The following BACH2 variants were observed in gnomAD, a reference collection of about 807,000 sequenced individuals.
BACH2 encodes BACH transcriptional regulator 2, also known as transcription regulator protein BACH2.
BACH2 carries 5 observed loss-of-function variants against 61.8 expected under a neutral mutation model. That is an observed-to-expected ratio of 0.08 (90% confidence interval 0.04 to 0.17). BACH2 has a LOEUF of 0.17. Ranked by LOEUF, BACH2 falls within the 10% of genes least tolerant of loss-of-function variation. The pLI is 1.00. For synonymous variants in BACH2, 446 were observed against 440.1 expected, an observed-to-expected ratio of 1.01 and a Z score of -0.17; for missense variants, 824 against 1,091.1, an observed-to-expected ratio of 0.76 and a Z score of 3.45.
intron 1 of BACH2, among the ~76,000 whole-genome samples, chr6:90,295,802 T>C (rs1772340803): frequency 6.6e-6 from 1 of 152,208 alleles, no homozygotes; most frequent in South Asian, 2.1e-4. Flanking sequence ...GATCTTTCGC[T>C]AGGAGAGATT....
intron 5 of BACH2, among the ~76,000 whole-genome samples, chr6:90,063,416 G>A (rs1780787475): frequency 6.6e-6 from 1 of 151,944 alleles, no homozygotes; most frequent in African/African-American, 2.4e-5. Flanking sequence ...ATGTTCTTGG[G>A]GTAAACATGA....
chr6:90,147,965 G>A (rs1784680624), intron 4 of BACH2, among the ~76,000 whole-genome samples: 1 of 152,090 alleles, frequency 6.6e-6, no homozygotes, highest in African/African-American at 2.4e-5. Flanking sequence ...AGAGGAAATA[G>A]AAAATCTTGT....
chr6:89,945,224 ACAG>A (rs1338879864), intron 7 of BACH2, among the ~76,000 whole-genome samples: 1 of 152,248 alleles, frequency 6.6e-6, no homozygotes, highest in African/African-American at 2.4e-5. Context: ...TCAAATGCTC[ACAG>A]CAGCATTATT....
chr6:90,273,353 G>A (rs915313984), intron 1 of BACH2, among the ~76,000 whole-genome samples: 1 of 152,058 alleles, frequency 6.6e-6, no homozygotes, highest in African/African-American at 2.4e-5. Flanking sequence ...GCAAGACTCT[G>A]TTTCTAAAAA....
At chr6:89,979,934 T>C (rs550541386) in intron 6 of BACH2, among the ~76,000 whole-genome samples, 1 of 152,318 alleles carries the variant, frequency 6.6e-6, no homozygotes, top group South Asian at 2.1e-4. Flanking sequence ...AATGGAAATG[T>C]TTCAAGTAGT....
chr6:90,054,279 T>C (rs1780205906), intron 5 of BACH2, among the ~76,000 whole-genome samples: 1 of 152,192 alleles, frequency 6.6e-6, no homozygotes, highest in Admixed American at 6.5e-5. Context: ...AATACTGCGC[T>C]TTTCAAATGG....
chr6:89,984,982 G>A (rs1405013144), intron 6 of BACH2, among the ~76,000 whole-genome samples: 1 of 152,092 alleles, frequency 6.6e-6, no homozygotes, highest in Non-Finnish European at 1.5e-5. Context: ...GGAAACACTG[G>A]GAACCCAAAC....
chr6:90,240,087 T>C (rs1381673251), intron 3 of BACH2, among the ~76,000 whole-genome samples: 2 of 152,144 alleles, frequency 1.3e-5, no homozygotes, highest in Non-Finnish European at 2.9e-5. Context: ...GAATTAAGCA[T>C]TAAAAAAATT....
intron 4 of BACH2, among the ~76,000 whole-genome samples, chr6:90,154,182 T>C (rs1017780554): frequency 2.0e-5 from 3 of 151,912 alleles, no homozygotes; most frequent in Non-Finnish European, 4.4e-5. Flanking sequence ...ATTTGCAGAG[T>C]AGAATTGCAG....
intron 6 of BACH2, among the ~76,000 whole-genome samples, chr6:89,977,974 C>T (rs754459276): frequency 2.6e-5 from 4 of 152,172 alleles, no homozygotes; most frequent in Non-Finnish European, 4.4e-5. Context: ...CACATCTTTA[C>T]GCATACTCTA....
chr6:90,150,484 C>T (rs1454034903), intron 4 of BACH2, among the ~76,000 whole-genome samples: 5 of 152,154 alleles, frequency 3.3e-5, no homozygotes, highest in African/African-American at 9.7e-5. Flanking sequence ...TTACTACGGC[C>T]ACTTCATTAC....
chr6:90,004,546 C>T (rs1014184259), intron 6 of BACH2, among the ~76,000 whole-genome samples: 2 of 152,164 alleles, frequency 1.3e-5, no homozygotes, highest in African/African-American at 4.8e-5. Context: ...GTCAAGGAGC[C>T]AGGCAGCCAC....
intron 5 of BACH2, among the ~76,000 whole-genome samples, chr6:90,088,681 G>A (rs1782030771): frequency 6.6e-6 from 1 of 152,048 alleles, no homozygotes; most frequent in Non-Finnish European, 1.5e-5. Flanking sequence ...CAAATTCCTA[G>A]CCTGTACCAA....
chr6:90,103,036 T>A (rs1451519820), intron 4 of BACH2, among the ~76,000 whole-genome samples: 12 of 128,664 alleles, frequency 9.3e-5, no homozygotes, highest in South Asian at 5.1e-4. Context: ...TATATTTTTT[T>A]TTTTTTTTTT....
At chr6:90,129,165 A>C (rs998163891) in intron 4 of BACH2, among the ~76,000 whole-genome samples, 1 of 152,146 alleles carries the variant, frequency 6.6e-6, no homozygotes, top group Non-Finnish European at 1.5e-5. Context: ...ACATGTATAC[A>C]TATGTAACAA....
chr6:89,978,082 A>G (rs1334835338), intron 6 of BACH2, among the ~76,000 whole-genome samples: 1 of 152,202 alleles, frequency 6.6e-6, no homozygotes, highest in Non-Finnish European at 1.5e-5. Flanking sequence ...GAAAAATAAT[A>G]CAAAAAGGGG....
At chr6:89,935,645 T>C (rs567209461) in intron 8 of BACH2, among the ~76,000 whole-genome samples, 12 of 152,344 alleles carry the variant, frequency 7.9e-5, no homozygotes, top group South Asian at 2.1e-4. Context: ...AACTAGATGA[T>C]GCTCTAATTT....
chr6:90,135,529 C>G (rs926405780), intron 4 of BACH2, among the ~76,000 whole-genome samples: 3 of 152,114 alleles, frequency 2.0e-5, no homozygotes, highest in Non-Finnish European at 4.4e-5. Context: ...GCCTAGGCAA[C>G]AGGGCAAAAC....
At chr6:90,084,609 T>C (rs1266152053) in intron 5 of BACH2, among the ~76,000 whole-genome samples, 1 of 151,612 alleles carries the variant, frequency 6.6e-6, no homozygotes, top group Non-Finnish European at 1.5e-5. Flanking sequence ...TCCTTTGCCC[T>C]GTTTTCCAAT....
Sources: allele counts gnomAD v4.1 joint callset (sites outside exome capture counted in the v4.1 genomes callset), GRCh38; gene constraint gnomAD v4.1.1; transcripts MANE v1.5; gene names NCBI Gene and HGNC (gene_info 2026-07-23, HGNC 2026-07-21).